The following TSPEAR variants were observed in gnomAD, a reference collection of about 807,000 sequenced individuals.
TSPEAR encodes the protein thrombospondin type laminin G domain and EAR repeats.
In TSPEAR, 69 loss-of-function variants were observed where a neutral mutation model predicts 71.6. That is an observed-to-expected ratio of 0.96 (90% CI 0.79 to 1.18). TSPEAR has a LOEUF of 1.18. Ranked by LOEUF, TSPEAR falls within the 50% of genes most tolerant of loss-of-function variation. The pLI, the probability that TSPEAR is intolerant of heterozygous loss-of-function variation, is 0.00. For synonymous variants in TSPEAR, 402 were observed against 387.2 expected, an observed-to-expected ratio of 1.04 and a Z score of -0.45; for missense variants, 971 against 894.9, an observed-to-expected ratio of 1.09 and a Z score of -1.09.
intron 1 of TSPEAR, chr21:44,658,128 G>A (rs1985267920): frequency 1.1e-5 from 18 of 1,613,862 alleles, no homozygotes; most frequent in Non-Finnish European, 1.5e-5. Context: ...GCTCCCTCCT[G>A]CCAGCCCTCC....
intron 1 of TSPEAR, among the ~76,000 whole-genome samples, chr21:44,653,308 G>A (rs1163484830): frequency 6.6e-6 from 1 of 152,174 alleles, no homozygotes; most frequent in Non-Finnish European, 1.5e-5. Context: ...CAGCTTCTGA[G>A]CCAGTTTCAT....
intron 1 of TSPEAR, among the ~76,000 whole-genome samples, chr21:44,606,288 T>C (rs1303037977): frequency 6.6e-6 from 1 of 151,996 alleles, no homozygotes; most frequent in East Asian, 1.9e-4. Flanking sequence ...ACATCACTAG[T>C]CATCAGGAAA....
chr21:44,688,456 C>T (rs1986959299), intron 1 of TSPEAR, among the ~76,000 whole-genome samples: 1 of 152,192 alleles, frequency 6.6e-6, no homozygotes, highest in Non-Finnish European at 1.5e-5. Context: ...CGCGGTGGCT[C>T]ACGCCTGTAA....
At chr21:44,562,666 GT>G (rs1555921260) in intron 2 of TSPEAR, among the ~76,000 whole-genome samples, 1 of 152,126 alleles carries the variant, frequency 6.6e-6, no homozygotes, top group Non-Finnish European at 1.5e-5. Flanking sequence ...AAGAGCAACA[GT>G]TCACTTCTTA....
intron 1 of TSPEAR, among the ~76,000 whole-genome samples, chr21:44,689,925 G>C (rs1477534781): frequency 6.6e-6 from 1 of 151,448 alleles, no homozygotes; most frequent in Non-Finnish European, 1.5e-5. Flanking sequence ...GGCCAGTCTC[G>C]CCTCTTCACA....
At chr21:44,544,459 A>C (rs772183298) in intron 2 of TSPEAR, among the ~76,000 whole-genome samples, 1 of 152,230 alleles carries the variant, frequency 6.6e-6, no homozygotes, top group Non-Finnish European at 1.5e-5. Flanking sequence ...ATCCAAGAAA[A>C]GGAAAAGTCC....
In TSPEAR at chr21:44,612,775, C is replaced by T; in HGVS notation, c.83-44770G>A. 6.2e-7 allele frequency: 1 copy of T among 1,613,682 alleles called. No individual in the cohort carries two copies. The highest frequency in any genetic ancestry group is 1.1e-5 in the South Asian group (1 of 91,060). ...GCCGGCCTGCCTGCTGTGTGCCTGT[C>T]CCCTCCTGTTGTGTCCCTGCCTCCT... On this transcript the variant is annotated intron_variant, in intron 1 of 11. Coordinates refer to ENST00000323084, the MANE Select transcript of TSPEAR (RefSeq NM_144991.3). This position sits in a 1 kb window ranked among gnomAD's most constrained non-coding sequence, Gnocchi z 4.1.
intron 2 of TSPEAR, chr21:44,539,220 C>T (rs2053153447): frequency 1.3e-6 from 2 of 1,553,856 alleles, no homozygotes; most frequent in African/African-American, 1.4e-5. Flanking sequence ...GGGGAAGCCA[C>T]CTAACCCAGG....
intron 1 of TSPEAR, among the ~76,000 whole-genome samples, chr21:44,659,478 A>G (rs2146264482): frequency 6.6e-6 from 1 of 152,252 alleles, no homozygotes; most frequent in East Asian, 1.9e-4. Flanking sequence ...CTCCCCCCAC[A>G]CACTAATGGC....
chr21:44,613,642 C>G lies in TSPEAR; in HGVS notation c.83-45637G>C, dbSNP rs587679952. Among the ~76,000 whole-genome samples the G allele has an allele frequency of 2.0e-5, 3 of 152,014 alleles. No individual in the cohort carries two copies. In the South Asian group the frequency reaches 6.2e-4, roughly 32 times the overall value. ...GCGAGGGGAGAGGGAGGGGCTGCTG[C>G]ACCTGCGCAGGAGACAAGGGACTCG... On this transcript the variant is annotated intron_variant, in intron 1 of 11. Transcript: ENST00000323084.
At chr21:44,541,005 G>A (rs74509287) in intron 2 of TSPEAR, among the ~76,000 whole-genome samples, 3,658 of 149,156 alleles carry the variant, frequency 0.025, 63 homozygotes, top group Non-Finnish European at 0.037. Context: ...TACAGATGGC[G>A]TCTCAAGTGA....
Position 44,538,016 on chromosome 21 carries a change from C to T in TSPEAR, c.304-4093G>A, listed in dbSNP as rs587752824. The stretch of plus-strand genomic sequence containing the variant: ...GCAGCAACCACGCAGACCCCGCCCC[C>T]CAGGCTCCACCTCACTTTCTGTGGC... On this transcript the variant is annotated intron_variant, in intron 2 of 11. Transcript: ENST00000323084. Among the ~76,000 whole-genome samples the T allele has an allele frequency of 1.6e-4, 24 of 152,330 alleles. 1 individual carries two copies. In the South Asian group the frequency reaches 5.0e-3, roughly 32 times the overall value.
chr21:44,617,094 C>A (rs72497630), intron 1 of TSPEAR, among the ~76,000 whole-genome samples: 1 of 152,162 alleles, frequency 6.6e-6, no homozygotes. Flanking sequence ...CCTCACTCAC[C>A]CACTCATGCC....
At chr21:44,705,235 G>A (rs1375682624) in intron 1 of TSPEAR, among the ~76,000 whole-genome samples, 1 of 152,176 alleles carries the variant, frequency 6.6e-6, no homozygotes, top group African/African-American at 2.4e-5. Context: ...GATTTCCTAT[G>A]CCTGTCTTTA....
chr21:44,627,154 C>T (rs1285642137), intron 1 of TSPEAR: 2 of 1,606,798 alleles, frequency 1.2e-6, no homozygotes, highest in Non-Finnish European at 1.7e-6. Context: ...CCCCAGCTCA[C>T]CTCCTCCCCA....
chr21:44,702,124 G>A (rs546232569), intron 1 of TSPEAR: 24 of 1,110,728 alleles, frequency 2.2e-5, no homozygotes, highest in South Asian at 6.2e-5. Flanking sequence ...GAGAGGCAGC[G>A]TCCACATGAG....
intron 2 of TSPEAR, chr21:44,558,776 A>T (rs2053591254): frequency 6.5e-7 from 1 of 1,546,002 alleles, no homozygotes; most frequent in Admixed American, 1.9e-5. Flanking sequence ...GGAGTGAGTG[A>T]GGGAGTGAGT....
chr21:44,689,712 A>ATATATATATATATATATATATAT (rs1555949491), intron 1 of TSPEAR, among the ~76,000 whole-genome samples: 2,163 of 61,724 alleles, frequency 0.035, 387 homozygotes, highest in South Asian at 0.045. Context: ...GAATAGAATG[A>ATATATATATATATATATATATAT]ATATATATAT....
intron 1 of TSPEAR, among the ~76,000 whole-genome samples, chr21:44,705,993 TTC>T (rs761715522): frequency 6.6e-5 from 10 of 152,128 alleles, no homozygotes; most frequent in Non-Finnish European, 1.2e-4. Context: ...GCTTTAAAAT[TTC>T]TCTCTTTTGT....
Sources: gnomAD v4.1 joint callset for allele counts (sites outside exome capture counted in the v4.1 genomes callset) on GRCh38, gnomAD v4.1.1 for gene constraint, Gnocchi (gnomAD v3.1) non-coding constraint, MANE v1.5 for transcripts, NCBI Gene and HGNC (gene_info 2026-07-23, HGNC 2026-07-21) for gene names.